CR1: variants seen among roughly 807,000 people sequenced by gnomAD.
CR1 encodes the protein complement C3b/C4b receptor 1 (Knops blood group), also known as complement receptor type 1.
Under a neutral mutation model 187.3 loss-of-function variants are expected in CR1, and 116 were observed. The ratio of observed to expected loss-of-function variants is 0.62; its 90% CI spans 0.53 to 0.72. CR1 has a LOEUF of 0.72. CR1 is among the 30% of genes least tolerant of loss of function. The pLI is 0.00. For missense variants in CR1, 1,731 were observed against 2,110.7 expected, an observed-to-expected ratio of 0.82 and a Z score of 3.52; for synonymous variants, 576 against 747.1, an observed-to-expected ratio of 0.77 and a Z score of 3.73.
intron 45 of CR1, among the ~76,000 whole-genome samples, chr1:207,624,775 T>G (rs1662429502): frequency 6.6e-6 from 1 of 152,210 alleles, no homozygotes; most frequent in African/African-American, 2.4e-5. Context: ...AATACATTTT[T>G]CCTCTTAAAG....
chr1:207,500,142 G>C (rs1659221826), intron 1 of CR1, among the ~76,000 whole-genome samples: 2 of 152,162 alleles, frequency 1.3e-5, no homozygotes, highest in Admixed American at 1.3e-4. Context: ...TGTGAACAGA[G>C]AGACTCAATG....
Position 207,496,160 on chromosome 1 carries a change from C to T in CR1, c.-108C>T, listed in dbSNP as rs1209465341. The T allele has an allele frequency of 6.3e-7, 1 of 1,592,532 alleles. No individual in the cohort carries two copies. The highest frequency in any genetic ancestry group is 8.6e-7 in the Non-Finnish European group (1 of 1,167,372). On this transcript the variant is annotated 5_prime_UTR_variant, in exon 1 of 47. Transcript: ENST00000367049. ...CCGGAACCCCGCAGCCCTCCCCACA[C>T]TCTGGGCGCGGAGCACAATGATTGG...
intron 45 of CR1, among the ~76,000 whole-genome samples, chr1:207,626,041 AAG>A (rs1182363983): frequency 6.6e-6 from 1 of 152,130 alleles, no homozygotes; most frequent in Non-Finnish European, 1.5e-5. Context: ...TAGTTTTAGG[AAG>A]AGACTGTTAT....
intron 46 of CR1, among the ~76,000 whole-genome samples, chr1:207,634,385 T>G (rs1376415482): frequency 2.0e-5 from 3 of 152,152 alleles, no homozygotes; most frequent in Non-Finnish European, 4.4e-5. Flanking sequence ...GGGAACAAAG[T>G]GAATCATCTG....
rs1659857500 is a variant in CR1, at chr1:207,518,036, T to C, written c.488-5575T>C. On this transcript the variant is annotated intron_variant, in intron 4 of 46. Transcript: ENST00000367049. Reference sequence around the variant, plus strand: ...CTTTGTGTATTCCTCCAGTCCTAAATTCTTGATACTAATTAATTTGTTTCC... The same window carrying C: ...CTTTGTGTATTCCTCCAGTCCTAAACTCTTGATACTAATTAATTTGTTTCC... Among the ~76,000 whole-genome samples, 3 of 152,200 alleles carry C rather than the reference T, an allele frequency of 2.0e-5. No individual in the cohort carries two copies. In the South Asian group the frequency reaches 6.2e-4, roughly 31 times the overall value.
At position 207,523,979 on chromosome 1, in the gene CR1, T is replaced by A; in HGVS notation, c.856T>A (p.Trp286Arg). 6.2e-7 allele frequency: 1 copy of A among 1,611,764 alleles called. No homozygotes were observed. The highest frequency in any genetic ancestry group is 8.5e-7 in the Non-Finnish European group (1 of 1,179,716). ...TGTGAAGTGCCAGGCCCTGAACAAA[T>A]GGGAGCCGGAGCTACCAAGCTGCTC... The part of the protein sequence containing the change: ...RRVKCQALNK[W>R]EPELPSCSRV... The change falls in exon 5 of 47, where the codon TGG becomes AGG. Residue 286 changes from tryptophan to arginine, a missense_variant. Coordinates refer to ENST00000367049, the MANE Select transcript of CR1 (RefSeq NM_000651.6).
At chr1:207,505,640 G>T (rs534261344) in intron 1 of CR1, among the ~76,000 whole-genome samples, 54 of 152,140 alleles carry the variant, frequency 3.5e-4, no homozygotes, top group South Asian at 3.1e-3. Flanking sequence ...GTCGAGACCA[G>T]CCTGGCCAAC....
At chr1:207,505,592 T>A (rs1426336375) in intron 1 of CR1, among the ~76,000 whole-genome samples, 1 of 152,042 alleles carries the variant, frequency 6.6e-6, no homozygotes, top group Non-Finnish European at 1.5e-5. Context: ...TCCCAACACT[T>A]TGGGAGGCCA....
chr1:207,599,132 A>G (rs1405421880), intron 35 of CR1: 1 of 152,260 alleles, frequency 6.6e-6, no homozygotes, highest in Non-Finnish European at 1.5e-5. Flanking sequence ...AGTTAAGAGC[A>G]TACAACAGTA....
At chr1:207,513,908 A>G (rs565293659) in intron 4 of CR1, among the ~76,000 whole-genome samples, 6 of 152,154 alleles carry the variant, frequency 3.9e-5, no homozygotes, top group Admixed American at 3.3e-4. Flanking sequence ...CTTGTTCCAC[A>G]TCTCAAAGTT....
At chr1:207,574,670 AAGAAAAGGTAGGCTAAACTTACATTAC>A (rs1420539863) in intron 27 of CR1, among the ~76,000 whole-genome samples, 1 of 152,250 alleles carries the variant, frequency 6.6e-6, no homozygotes, top group Non-Finnish European at 1.5e-5. Context: ...GTGAGACAGC[AAGAAAAGGTAGGCTAAACTTACATTAC>A]AGAAAAGATG....
intron 35 of CR1, among the ~76,000 whole-genome samples, chr1:207,603,922 C>CA (rs1343746513): frequency 1.3e-5 from 2 of 152,156 alleles, no homozygotes; most frequent in Non-Finnish European, 2.9e-5. Context: ...CACATGTACA[C>CA]AAGAGACAAG....
chr1:207,584,583 G>C, intron 32 of CR1, 66 bp from the exon 33 acceptor site: 1 of 1,557,760 alleles, frequency 6.4e-7, no homozygotes, highest in African/African-American at 1.4e-5. Context: ...TATGACAACT[G>C]TAGAATCACC....
At chr1:207,573,042 A>G (rs616015) in intron 27 of CR1, among the ~76,000 whole-genome samples, 12 of 152,054 alleles carry the variant, frequency 7.9e-5, no homozygotes, top group South Asian at 4.1e-4. Flanking sequence ...TCCAAATAAG[A>G]TCACATCCAC....
In CR1 at chr1:207,514,992, T is replaced by TACAC. The variant is rs764790629; in HGVS notation, c.487+3339_487+3340insCACA. ...GGCTGAAGTATAACATATATATATA[T>TACAC]ATACACACACACACACACACACACA... On this transcript the variant is annotated intron_variant, in intron 4 of 46. Transcript: ENST00000367049. Among the ~76,000 whole-genome samples the TACAC allele has an allele frequency of 2.8e-3, 326 of 116,180 alleles. 2 individuals are homozygous for TACAC. The highest frequency in any genetic ancestry group is 8.5e-3 in the South Asian group (25 of 2,928). 76.2% of individuals were successfully genotyped at this position (116,180 alleles called of 152,430 possible). A position where few individuals can be genotyped will look rare whatever the true frequency, so the allele number is the denominator to read the frequency against.
At chr1:207,590,857 G>A (rs625861) in intron 35 of CR1, among the ~76,000 whole-genome samples, 10,695 of 152,184 alleles carry the variant, frequency 0.07, 1,277 homozygotes, top group African/African-American at 0.24. Context: ...GATCAAAAGA[G>A]ACAAGAGCAT....
rs1661781777 is a variant in CR1 at position 207,607,307 on chromosome 1, C to T, written c.5867C>T (p.Thr1956Ile). Residue 1956 changes from threonine (T) to isoleucine (I), a missense_variant, in exon 36 of 47, where the codon ACA becomes ATA. Thr to Ile is a moderately conservative substitution (Grantham distance 89). Around this residue, in one of 5 missense-constraint regions of CR1, gnomAD observed 1,312 missense variants for 1,379.6 expected, o/e 0.95. Transcript: ENST00000367049. ...TTCLVSGNNV[T>I]WDKKAPICEI... Reference sequence around the variant, plus strand: ...TGTCTCGTCTCAGGCAATAATGTCACATGGGATAAGAAGGCACCTATTTGT... The same window carrying T: ...TGTCTCGTCTCAGGCAATAATGTCATATGGGATAAGAAGGCACCTATTTGT... The T allele has an allele frequency of 6.2e-7, 1 of 1,613,270 alleles. No individual in the cohort carries two copies. Among genetic ancestry groups the T allele is most frequent in the African/African-American group, 1.3e-5 (1 of 74,904 alleles).
At chr1:207,592,777 C>G (rs1282770735) in intron 35 of CR1, among the ~76,000 whole-genome samples, 2 of 152,094 alleles carry the variant, frequency 1.3e-5, no homozygotes, top group African/African-American at 4.8e-5. Flanking sequence ...GCAAAAATCA[C>G]AAGCATTCCT....
At chr1:207,595,395 A>G (rs1397044897) in intron 35 of CR1, among the ~76,000 whole-genome samples, 1 of 152,138 alleles carries the variant, frequency 6.6e-6, no homozygotes, top group Non-Finnish European at 1.5e-5. Context: ...GGCTTACTAG[A>G]CAAATCAAGA....
Sources: gnomAD v4.1 joint callset for allele counts (sites outside exome capture counted in the v4.1 genomes callset) on GRCh38, gnomAD v4.1.1 for gene constraint, gnomAD v4.1.1 regional missense constraint, MANE v1.5 for transcripts, NCBI Gene and HGNC (gene_info 2026-07-23, HGNC 2026-07-21) for gene names.